STXBP5: variants seen among roughly 807,000 people sequenced by gnomAD.
STXBP5 encodes syntaxin-binding protein 5.
A neutral mutation model predicts 152.4 loss-of-function variants in STXBP5; 50 were observed. The ratio of observed to expected loss-of-function variants is 0.33; its 90% CI spans 0.26 to 0.42. The LOEUF (loss-of-function observed/expected upper bound fraction) is 0.42, where lower values mean the gene tolerates loss of function less well. Among genes scored for constraint, STXBP5 ranks in the 10% least tolerant of loss-of-function variants. The pLI is 1.00. For synonymous variants in STXBP5, 492 were observed against 494.7 expected (o/e 0.99, Z 0.07); for missense variants, 1,167 against 1,388.6 (o/e 0.84, Z 2.54).
intron 6 of STXBP5, among the ~76,000 whole-genome samples, chr6:147,263,852 T>C (rs940400579): frequency 1.3e-5 from 2 of 152,012 alleles, no homozygotes; most frequent in Non-Finnish European, 1.5e-5. Flanking sequence ...AGTACTTTAG[T>C]TATGAAATTT....
At chr6:147,315,843 A>G in intron 15 of STXBP5, 108 bp downstream of exon 15, 5 of 900,336 alleles carry the variant, frequency 5.6e-6, no homozygotes, top group Non-Finnish European at 8.6e-6. Flanking sequence ...AGAACTTTTG[A>G]AAACACCTTA....
chr6:147,246,825 C>T (rs1051016156), intron 4 of STXBP5, among the ~76,000 whole-genome samples: 1 of 152,004 alleles, frequency 6.6e-6, no homozygotes, highest in African/African-American at 2.4e-5. Context: ...AAAAAACAAC[C>T]GTATGACAAA....
intron 6 of STXBP5, among the ~76,000 whole-genome samples, chr6:147,265,178 A>G (rs371438218): frequency 1.1e-4 from 16 of 152,284 alleles, no homozygotes; most frequent in South Asian, 4.1e-4. Context: ...AGGTGTATGT[A>G]TCTCAGATTG....
intron 18 of STXBP5, 54 bp downstream of exon 18, chr6:147,327,330 C>G: frequency 6.4e-7 from 1 of 1,565,598 alleles, no homozygotes; most frequent in Non-Finnish European, 8.6e-7. Flanking sequence ...TAAATGCTGG[C>G]TTACTTTTGT....
chr6:147,214,809 T>G (rs541979426), intron 2 of STXBP5, among the ~76,000 whole-genome samples: 1 of 152,170 alleles, frequency 6.6e-6, no homozygotes, highest in Non-Finnish European at 1.5e-5. Context: ...TCCAAAGTAA[T>G]GCAAATCAGC....
chr6:147,368,956 T>G (rs1222391694), intron 25 of STXBP5, among the ~76,000 whole-genome samples: 1 of 151,856 alleles, frequency 6.6e-6, no homozygotes. Context: ...GTCTTAAAAA[T>G]TTTTTAGAAA....
intron 7 of STXBP5, among the ~76,000 whole-genome samples, chr6:147,271,876 T>G (rs1341595992): frequency 6.6e-6 from 1 of 151,880 alleles, no homozygotes; most frequent in African/African-American, 2.4e-5. Context: ...AAACATATAG[T>G]CAGAGTGGTG....
At chr6:147,228,127 C>A (rs1198896688) in intron 2 of STXBP5, among the ~76,000 whole-genome samples, 1 of 151,724 alleles carries the variant, frequency 6.6e-6, no homozygotes, top group Non-Finnish European at 1.5e-5. Flanking sequence ...TTATTAGATT[C>A]CCTGTCATTG....
chr6:147,242,067 T>A (rs943699077), intron 4 of STXBP5, among the ~76,000 whole-genome samples: 1 of 151,980 alleles, frequency 6.6e-6, no homozygotes, highest in Non-Finnish European at 1.5e-5. Flanking sequence ...TTACTGTCCC[T>A]GAAGACCTTC....
intron 8 of STXBP5, among the ~76,000 whole-genome samples, chr6:147,290,504 T>C (rs892310397): frequency 6.6e-6 from 1 of 152,200 alleles, no homozygotes; most frequent in African/African-American, 2.4e-5. Context: ...TTCCATAGTT[T>C]CTACAGTGAA....
chr6:147,280,864 G>T (rs1029651941), intron 8 of STXBP5, among the ~76,000 whole-genome samples: 2 of 152,168 alleles, frequency 1.3e-5, no homozygotes, highest in African/African-American at 4.8e-5. Context: ...TTCTGTGGCT[G>T]GTGTTAAAAA....
At chr6:147,299,199 G>A (rs760518668) in intron 9 of STXBP5, among the ~76,000 whole-genome samples, 17 of 151,376 alleles carry the variant, frequency 1.1e-4, no homozygotes, top group East Asian at 3.9e-4. Flanking sequence ...CAATAGAAAC[G>A]ATCACAAGAA....
intron 2 of STXBP5, among the ~76,000 whole-genome samples, chr6:147,226,298 CAA>C (rs58977863): frequency 1.1e-4 from 10 of 90,486 alleles, no homozygotes; most frequent in Admixed American, 1.3e-4. Flanking sequence ...GATACCCTTA[CAA>C]AAAAAAAAAA....
chr6:147,231,098 A>C (rs771938773), intron 2 of STXBP5, among the ~76,000 whole-genome samples: 6 of 151,858 alleles, frequency 4.0e-5, no homozygotes, highest in Non-Finnish European at 7.4e-5. Flanking sequence ...AAAAAAAAAT[A>C]AATAGATAAG....
intron 22 of STXBP5, among the ~76,000 whole-genome samples, chr6:147,358,299 G>C (rs913912543): frequency 1.5e-4 from 23 of 151,998 alleles, no homozygotes; most frequent in African/African-American, 5.3e-4. Context: ...AAATGGAAAA[G>C]ACTCACATTT....
intron 16 of STXBP5, among the ~76,000 whole-genome samples, chr6:147,322,130 C>G (rs1582942106): frequency 6.6e-6 from 1 of 152,094 alleles, no homozygotes; most frequent in Non-Finnish European, 1.5e-5. Context: ...TTTAATATGC[C>G]AGAGGGAGGG....
chr6:147,357,455 G>A (rs576047192), intron 22 of STXBP5, among the ~76,000 whole-genome samples: 1 of 152,232 alleles, frequency 6.6e-6, no homozygotes, highest in East Asian at 1.9e-4. Flanking sequence ...ATTTTGTGAA[G>A]AGTCTTAAAA....
chr6:147,331,130 G>C lies in STXBP5; in HGVS notation c.2081-3027G>C, dbSNP rs560370432. On this transcript the variant is annotated intron_variant, in intron 18 of 27. Coordinates refer to ENST00000321680, the MANE Select transcript of STXBP5 (RefSeq NM_001127715.4). ...GGATGTATTGTGTTGAATAACATAGGATTATGTTTTGTTGAATATTTTAAA... is the reference window on the plus strand; with the variant it reads ...GGATGTATTGTGTTGAATAACATAGCATTATGTTTTGTTGAATATTTTAAA... Among the ~76,000 whole-genome samples, 3 of 152,234 alleles carry C rather than the reference G, an allele frequency of 2.0e-5. No homozygotes were observed. The East Asian group carries it at 5.8e-4, about 29-fold the overall frequency.
chr6:147,304,429 G>A (rs992751618), intron 9 of STXBP5, among the ~76,000 whole-genome samples: 1 of 152,184 alleles, frequency 6.6e-6, no homozygotes, highest in Non-Finnish European at 1.5e-5. Flanking sequence ...GGAAATCCCT[G>A]GATGTCCAGG....
Sources: gnomAD v4.1 joint callset for allele counts (sites outside exome capture counted in the v4.1 genomes callset) on GRCh38, gnomAD v4.1.1 for gene constraint, MANE v1.5 for transcripts, NCBI Gene and HGNC (gene_info 2026-07-23, HGNC 2026-07-21) for gene names.